Variants in CSMD1 observed in about 807,000 individuals in gnomAD.
CSMD1 encodes CUB and sushi domain-containing protein 1.
A neutral mutation model predicts 417.5 loss-of-function variants in CSMD1; 213 were observed. That is an observed-to-expected ratio of 0.51 (90% CI 0.46 to 0.57). CSMD1 has a LOEUF of 0.57. CSMD1 is among the 20% of genes least tolerant of loss of function. The pLI is 0.00. For synonymous variants in CSMD1, 2,862 were observed against 1,736.8 expected (o/e 1.65, Z -16.11); for missense variants, 6,923 against 4,529.7 (o/e 1.53, Z -15.17).
chr8:4,468,921 A>C (rs183701281), intron 2 of CSMD1, among the ~76,000 whole-genome samples: 3 of 149,824 alleles, frequency 2.0e-5, no homozygotes, highest in African/African-American at 7.3e-5. Context: ...GGAATGCTGG[A>C]AACAAGCTCA....
intron 1 of CSMD1, among the ~76,000 whole-genome samples, chr8:4,939,008 A>G (rs978207718): frequency 2.0e-5 from 3 of 152,036 alleles, no homozygotes; most frequent in Non-Finnish European, 4.4e-5. Flanking sequence ...CTTTCTATTG[A>G]GTCATAGGAA....
chr8:4,382,261 A>C (rs1441047213), intron 3 of CSMD1, among the ~76,000 whole-genome samples: 2 of 152,210 alleles, frequency 1.3e-5, no homozygotes, highest in East Asian at 3.9e-4. Context: ...AAGATCATTG[A>C]CCTGACAGCA....
intron 12 of CSMD1, among the ~76,000 whole-genome samples, chr8:3,420,044 C>A (rs552018772): frequency 6.6e-6 from 1 of 152,188 alleles, no homozygotes; most frequent in Non-Finnish European, 1.5e-5. Context: ...CTAAATAGAG[C>A]CCAGGGTATA....
chr8:3,772,189 T>TATATATATAC lies in CSMD1; in HGVS notation c.819-18148_819-18147insGTATATATAT, dbSNP rs1377304281. On this transcript the variant is annotated intron_variant, in intron 5 of 69. Coordinates refer to ENST00000635120, the MANE Select transcript of CSMD1 (RefSeq NM_033225.6). ...CAACATATATATATATATATATATA[T>TATATATATAC]ACACACACACACACACACACACACA... Among the ~76,000 whole-genome samples the TATATATATAC allele has an allele frequency of 3.1e-3, 308 of 100,912 alleles. 24 individuals carry two copies. The highest frequency in any genetic ancestry group is 0.012 in the African/African-American group (289 of 24,290). The allele number at this position is 100,912 out of a possible 152,430, so 66.2% of individuals were successfully genotyped here.
At chr8:3,703,239 G>T (rs189046442) in intron 7 of CSMD1, among the ~76,000 whole-genome samples, 6 of 152,122 alleles carry the variant, frequency 3.9e-5, no homozygotes, top group African/African-American at 4.8e-5. Flanking sequence ...GACTACAGTC[G>T]CGCTGCCCTA....
Position 4,378,161 on chromosome 8 carries a change from T to A in CSMD1, c.415+41792A>T, listed in dbSNP as rs917105091. 3.9e-5 allele frequency among the ~76,000 whole-genome samples: 6 copies of A among 152,242 alleles called. No homozygotes were observed. The East Asian group carries it at 1.2e-3, about 29-fold the overall frequency. ...ATGCTTCAATATTTCCATTATTCAC[T>A]TATACTCTAGATATTGCGACTCTAA... On this transcript the variant is annotated intron_variant, in intron 3 of 69. Transcript: ENST00000635120.
rs1282133646 is a variant in CSMD1, at chr8:2,955,712, G to T, written c.9871C>A (p.Leu3291Ile). Reference protein sequence around the residue: ...PAHADVRAIDLPTFGYTLVYT... With the variant: ...PAHADVRAIDIPTFGYTLVYT... ...ACTAAGGTGTAGCCGAAAGTAGGAA[G>T]ATCGATGGCTCTCACATCCGCGTGT... The change falls in exon 64 of 70, where the codon CTT (leucine) becomes ATT (isoleucine). Residue 3291 changes from leucine (L) to isoleucine (I), a missense_variant. Coordinates refer to ENST00000635120, the MANE Select transcript of CSMD1 (RefSeq NM_033225.6). 3 of 1,613,816 alleles carry T rather than the reference G, an allele frequency of 1.9e-6. No individual in the cohort carries two copies. Among genetic ancestry groups the T allele is most frequent in the Non-Finnish European group, 2.5e-6 (3 of 1,179,826 alleles).
intron 1 of CSMD1, among the ~76,000 whole-genome samples, chr8:4,793,824 C>T (rs964631712): frequency 1.3e-4 from 14 of 108,946 alleles, no homozygotes; most frequent in African/African-American, 3.7e-4. Flanking sequence ...CAGGCCACAA[C>T]CCCAGAATAG....
rs142958351 is a variant in CSMD1 at position 3,840,655 on chromosome 8, T to C, written c.819-86613A>G. ...TGTGCACTTGCTAGTGTATAGGATATTGAGGTCACTATACAGTGACCTCAA... is the reference window on the plus strand; with the variant it reads ...TGTGCACTTGCTAGTGTATAGGATACTGAGGTCACTATACAGTGACCTCAA... On this transcript the variant is annotated intron_variant, in intron 5 of 69. Coordinates refer to ENST00000635120, the MANE Select transcript of CSMD1 (RefSeq NM_033225.6). 9.5e-3 allele frequency among the ~76,000 whole-genome samples: 1,443 copies of C among 151,952 alleles called. 25 individuals are homozygous for C. Among genetic ancestry groups the C allele is most frequent in the African/African-American group, 0.033 (1,356 of 41,464 alleles).
intron 1 of CSMD1, among the ~76,000 whole-genome samples, chr8:4,673,867 G>A (rs527614284): frequency 6.6e-6 from 1 of 152,242 alleles, no homozygotes; most frequent in South Asian, 2.1e-4. Flanking sequence ...TGATGGAAGT[G>A]AGGGGCTGGG....
At chr8:4,459,581 G>A (rs1309395521) in intron 2 of CSMD1, among the ~76,000 whole-genome samples, 2 of 152,212 alleles carry the variant, frequency 1.3e-5, no homozygotes, top group Non-Finnish European at 2.9e-5. Flanking sequence ...CCATGGAATG[G>A]CTAGTCTAAG....
intron 2 of CSMD1, among the ~76,000 whole-genome samples, chr8:4,627,246 G>C (rs1050220667): frequency 1.3e-5 from 2 of 152,078 alleles, no homozygotes; most frequent in African/African-American, 4.8e-5. Flanking sequence ...ACTTGAAATG[G>C]GCAGGATGGG....
chr8:3,770,381 TAG>T (rs905970254), intron 5 of CSMD1, among the ~76,000 whole-genome samples: 2 of 151,914 alleles, frequency 1.3e-5, no homozygotes, highest in African/African-American at 2.4e-5. Context: ...ATACAAAAAT[TAG>T]CCAGGCACGG....
chr8:4,748,462 A>G (rs192372039), intron 1 of CSMD1, among the ~76,000 whole-genome samples: 18 of 152,184 alleles, frequency 1.2e-4, no homozygotes, highest in Admixed American at 1.2e-3. Context: ...TAAGGGTGAA[A>G]CTCTGGAAAG....
In CSMD1 at chr8:3,465,035, T is replaced by A. The variant is rs186793418; in HGVS notation, c.1561+3677A>T. On this transcript the variant is annotated intron_variant, in intron 12 of 69. Coordinates refer to ENST00000635120, the MANE Select transcript of CSMD1 (RefSeq NM_033225.6). Reference sequence around the variant, plus strand: ...ATGCTCATAAGTATGAACAGGCTTATATACTAGGGAATATGTATAACACAT... The same window carrying A: ...ATGCTCATAAGTATGAACAGGCTTAAATACTAGGGAATATGTATAACACAT... 2.4e-3 allele frequency among the ~76,000 whole-genome samples: 367 copies of A among 152,318 alleles called. 8 individuals are homozygous for A. Among genetic ancestry groups the A allele is most frequent in the Non-Finnish European group, 6.6e-4 (45 of 68,022 alleles).
chr8:2,965,723 C>A, intron 59 of CSMD1, 52 bp downstream of exon 59: 2 of 1,490,322 alleles, frequency 1.3e-6, no homozygotes, highest in East Asian at 2.4e-5. Context: ...AAGCATAATT[C>A]AATAAAGACT....
At chr8:4,136,283 A>G (rs1274425266) in intron 3 of CSMD1, among the ~76,000 whole-genome samples, 1 of 152,240 alleles carries the variant, frequency 6.6e-6, no homozygotes, top group Non-Finnish European at 1.5e-5. Context: ...AGGAACACAC[A>G]GGGACCATCT....
chr8:4,526,772 C>T (rs1466965671), intron 2 of CSMD1, among the ~76,000 whole-genome samples: 3 of 152,284 alleles, frequency 2.0e-5, no homozygotes, highest in South Asian at 2.1e-4. Flanking sequence ...GACTATGATT[C>T]TCCACAACCT....
intron 2 of CSMD1, among the ~76,000 whole-genome samples, chr8:4,422,861 G>A (rs1212716658): frequency 6.6e-6 from 1 of 152,062 alleles, no homozygotes; most frequent in Non-Finnish European, 1.5e-5. Flanking sequence ...AGGAATGTTA[G>A]AAAGGTCCAA....
Sources: gnomAD v4.1 joint callset for allele counts (sites outside exome capture counted in the v4.1 genomes callset) on GRCh38, gnomAD v4.1.1 for gene constraint, MANE v1.5 for transcripts, NCBI Gene and HGNC (gene_info 2026-07-23, HGNC 2026-07-21) for gene names.